CFAP299: variants seen among roughly 807,000 people sequenced by gnomAD.
The protein encoded by CFAP299 is cilia and flagella associated protein 299.
In CFAP299, 21 loss-of-function variants were observed where a neutral mutation model predicts 27.0. That is an observed-to-expected ratio of 0.78 (90% CI 0.55 to 1.12). The LOEUF (loss-of-function observed/expected upper bound fraction) is 1.12. Among genes scored for constraint, CFAP299 ranks in the 50% most tolerant of loss-of-function variants. The pLI is 0.00. For synonymous variants in CFAP299, 104 were observed against 98.1 expected, an observed-to-expected ratio of 1.06 and a Z score of -0.36; for missense variants, 310 against 276.6, an observed-to-expected ratio of 1.12 and a Z score of -0.86.
chr4:80,765,896 G>T lies in CFAP299; in HGVS notation c.334-104097G>T, dbSNP rs149069514. Among the ~76,000 whole-genome samples the T allele has an allele frequency of 9.4e-3, 1,427 of 152,174 alleles. 18 individuals carry two copies. The highest frequency in any genetic ancestry group is 0.062 in the South Asian group (298 of 4,828). The stretch of plus-strand genomic sequence containing the variant: ...AGAATGCAATACACAGATGAAACTT[G>T]TAAATCAGGAAAGAGGTTTTGACAT... On this transcript the variant is annotated intron_variant, in intron 3 of 5. Transcript: ENST00000358105.
At chr4:80,877,446 G>C (rs1440435029) in intron 4 of CFAP299, among the ~76,000 whole-genome samples, 1 of 152,108 alleles carries the variant, frequency 6.6e-6, no homozygotes, top group African/African-American at 2.4e-5. Flanking sequence ...AATTATTCAT[G>C]CACAGTTTGG....
At chr4:80,724,618 C>T (rs564511552) in intron 3 of CFAP299, among the ~76,000 whole-genome samples, 23 of 151,928 alleles carry the variant, frequency 1.5e-4, no homozygotes, top group Non-Finnish European at 2.9e-4. Context: ...AAAAAGCAGG[C>T]CTTTTAGTTG....
At chr4:80,862,421 A>G (rs908198021) in intron 3 of CFAP299, among the ~76,000 whole-genome samples, 2 of 152,294 alleles carry the variant, frequency 1.3e-5, no homozygotes, top group South Asian at 2.1e-4. Flanking sequence ...TAAAATATAG[A>G]TACGTCTTAT....
At chr4:80,615,214 A>G (rs1257443509) in intron 3 of CFAP299, among the ~76,000 whole-genome samples, 1 of 152,200 alleles carries the variant, frequency 6.6e-6, no homozygotes, top group Non-Finnish European at 1.5e-5. Context: ...AGACTTTAGG[A>G]ACTCTGATTT....
intron 2 of CFAP299, among the ~76,000 whole-genome samples, chr4:80,569,012 A>C (rs11733858): frequency 0.042 from 6,467 of 152,194 alleles, 425 homozygotes; most frequent in African/African-American, 0.14. Context: ...ACACATGACC[A>C]CACTGCCTAT....
intron 4 of CFAP299, among the ~76,000 whole-genome samples, chr4:80,878,005 A>G (rs1007684750): frequency 6.6e-6 from 1 of 152,162 alleles, no homozygotes; most frequent in Admixed American, 6.5e-5. Context: ...ATCCTCCTAC[A>G]TAACATCACC....
intron 3 of CFAP299, among the ~76,000 whole-genome samples, chr4:80,725,732 C>T (rs1178428346): frequency 6.6e-6 from 1 of 152,170 alleles, no homozygotes; most frequent in Non-Finnish European, 1.5e-5. Context: ...TAATTCAGAC[C>T]TTCCGTATTG....
intron 3 of CFAP299, among the ~76,000 whole-genome samples, chr4:80,772,621 G>A (rs1466592051): frequency 6.6e-6 from 1 of 151,916 alleles, no homozygotes; most frequent in African/African-American, 2.4e-5. Flanking sequence ...AGGTAAACAT[G>A]TGCCATGGTG....
At chr4:80,458,294 A>T (rs1729264320) in intron 2 of CFAP299, among the ~76,000 whole-genome samples, 1 of 152,254 alleles carries the variant, frequency 6.6e-6, no homozygotes, top group African/African-American at 2.4e-5. Flanking sequence ...TTATATCTTG[A>T]AGAATCTAGT....
chr4:80,636,001 A>C (rs1254822654), intron 3 of CFAP299, among the ~76,000 whole-genome samples: 1 of 152,224 alleles, frequency 6.6e-6, no homozygotes, highest in Non-Finnish European at 1.5e-5. Context: ...CTAAAAGGAA[A>C]TGTACATTGA....
chr4:80,397,415 T>A (rs1725862742), intron 2 of CFAP299, among the ~76,000 whole-genome samples: 1 of 152,192 alleles, frequency 6.6e-6, no homozygotes, highest in South Asian at 2.1e-4. Flanking sequence ...ATTTCTTGCC[T>A]TGTGCTAGCT....
intron 2 of CFAP299, among the ~76,000 whole-genome samples, chr4:80,495,964 C>T (rs1731416507): frequency 2.0e-5 from 3 of 152,238 alleles, no homozygotes; most frequent in Non-Finnish European, 1.5e-5. Context: ...GGCCCTGGGC[C>T]TGACCCAGGA....
chr4:80,856,569 T>A (rs977403233), intron 3 of CFAP299, among the ~76,000 whole-genome samples: 5 of 151,910 alleles, frequency 3.3e-5, no homozygotes, highest in Non-Finnish European at 5.9e-5. Context: ...CCATCTTGAA[T>A]TAATTTTTGT....
intron 3 of CFAP299, among the ~76,000 whole-genome samples, chr4:80,695,418 G>GCCATTTTCAATAGATACCTTCACTAC (rs1321201318): frequency 1.8e-4 from 28 of 152,222 alleles, no homozygotes; most frequent in Admixed American, 9.8e-4. Flanking sequence ...AAGTCTGATT[G>GCCATTTTCAATAGATACCTTCACTAC]CCATTTTCAA....
chr4:80,380,178 T>C (rs1163172180), intron 2 of CFAP299, among the ~76,000 whole-genome samples: 1 of 152,152 alleles, frequency 6.6e-6, no homozygotes, highest in African/African-American at 2.4e-5. Context: ...TGGCAAGATT[T>C]TTCTGATATT....
At chr4:80,387,525 G>T (rs768569034) in intron 2 of CFAP299, 9 of 858,326 alleles carry the variant, frequency 1.0e-5, no homozygotes, top group Non-Finnish European at 1.6e-5. Context: ...AGCTTGGTAG[G>T]GGCTGGCCCA....
chr4:80,601,596 AT>A (rs772934687), intron 3 of CFAP299, among the ~76,000 whole-genome samples: 1 of 152,082 alleles, frequency 6.6e-6, no homozygotes, highest in African/African-American at 2.4e-5. Context: ...CCATTGTTGT[AT>A]TTTTTCCCCT....
At chr4:80,405,951 C>T (rs899644435) in intron 2 of CFAP299, among the ~76,000 whole-genome samples, 2 of 152,028 alleles carry the variant, frequency 1.3e-5, no homozygotes, top group Admixed American at 6.6e-5. Flanking sequence ...CCAACTCACA[C>T]GTTCTTATTA....
intron 2 of CFAP299, among the ~76,000 whole-genome samples, chr4:80,541,099 A>G (rs1272315456): frequency 6.6e-6 from 1 of 151,392 alleles, no homozygotes; most frequent in Non-Finnish European, 1.5e-5. Flanking sequence ...TTCGTTTTAC[A>G]AGAAATATAA....
Sources: allele counts gnomAD v4.1 joint callset (sites outside exome capture counted in the v4.1 genomes callset), GRCh38; gene constraint gnomAD v4.1.1; transcripts MANE v1.5; gene names NCBI Gene and HGNC (gene_info 2026-07-23, HGNC 2026-07-21).